TBX21: variants seen among roughly 807,000 people sequenced by gnomAD.
TBX21 encodes the protein T-box transcription factor TBX21.
In TBX21, 11 loss-of-function variants were observed where a neutral mutation model predicts 52.2. The observed-to-expected ratio is 0.21, with a 90% CI of 0.13 to 0.35. The LOEUF (loss-of-function observed/expected upper bound fraction) is 0.35. TBX21 is among the 10% of genes least tolerant of loss of function. The pLI, the probability that TBX21 is intolerant of heterozygous loss-of-function variation, is 1.00. For missense variants in TBX21, 625 were observed against 755.1 expected (o/e 0.83, Z 2.02); for synonymous variants, 300 against 316.1 (o/e 0.95, Z 0.54).
intron 1 of TBX21, among the ~76,000 whole-genome samples, chr17:47,740,194 G>T (rs1170682466): frequency 6.6e-6 from 1 of 151,894 alleles, no homozygotes; most frequent in Non-Finnish European, 1.5e-5. Flanking sequence ...AGCCTCCAAA[G>T]TAGCTGGGAC....
At position 47,744,761 on chromosome 17, in the gene TBX21, G is replaced by A; in HGVS notation, c.1003G>A (p.Val335Ile). Residue 335 changes from valine to isoleucine, a missense_variant, in exon 6 of 6, where the codon GTT becomes ATT. By Grantham distance (29) the Val-to-Ile change is conservative. Coordinates refer to ENST00000177694, the MANE Select transcript of TBX21 (RefSeq NM_013351.2). ...ATTTTTTTCTAGCATGTACACATCT[G>A]TTGACACCAGCATCCCCTCCCCGCC... ...RENFESMYTS[V>I]DTSIPSPPGP... 6.2e-7 allele frequency: 1 copy of A among 1,613,592 alleles called. No homozygotes were observed. Among genetic ancestry groups the A allele is most frequent in the African/African-American group, 1.3e-5 (1 of 75,028 alleles).
chr17:47,736,120 G>A (rs1667091585), intron 1 of TBX21, among the ~76,000 whole-genome samples: 1 of 152,192 alleles, frequency 6.6e-6, no homozygotes, highest in African/African-American at 2.4e-5. Context: ...TGGTGTTCCT[G>A]CTGAGTAATT....
chr17:47,745,360 C>T lies in TBX21; in HGVS notation c.1602C>T (p.Pro534=). 6.3e-7 allele frequency: 1 copy of T among 1,594,660 alleles called. No homozygotes were observed. The highest frequency in any genetic ancestry group is 2.2e-5 in the East Asian group (1 of 44,768). Residue 534 remains proline, a synonymous_variant, in exon 6 of 6, where the codon CCC becomes CCT. Coordinates refer to ENST00000177694, the MANE Select transcript of TBX21 (RefSeq NM_013351.2). The part of the protein sequence containing the change: ...EAEGQFYNYF[P]N Reference sequence around the variant, plus strand: ...AAGGACAGTTTTATAACTATTTTCCCAACTGAGCAGATGACATGATGAAAG... The same window carrying T: ...AAGGACAGTTTTATAACTATTTTCCTAACTGAGCAGATGACATGATGAAAG...
intron 3 of TBX21, 70 bp from the exon 4 acceptor site, chr17:47,744,125 G>C: frequency 6.4e-7 from 1 of 1,574,258 alleles, no homozygotes; most frequent in East Asian, 2.3e-5. Context: ...GGGGCCAGCT[G>C]TTGGTGGGGG....
Position 47,745,544 on chromosome 17 carries a change from GC to G in TBX21, c.*181del. On this transcript the variant is annotated 3_prime_UTR_variant, in exon 6 of 6. Transcript: ENST00000177694. ...TTTGGGGTTCACCAGATGCTTCCTGGCCCACGATGAAACCTGAGAGGGGTGT... is the reference window on the plus strand; with the variant it reads ...TTTGGGGTTCACCAGATGCTTCCTGGCCACGATGAAACCTGAGAGGGGTGT... 1 of 806,392 alleles carries G rather than the reference GC, an allele frequency of 1.2e-6. No homozygotes were observed. The highest frequency in any genetic ancestry group is 1.9e-6 in the Non-Finnish European group (1 of 536,796). 50.0% of individuals were successfully genotyped at this position (806,392 alleles called of 1,614,324 possible).
Position 47,742,072 on chromosome 17 carries a change from C to CTT in TBX21, c.492-525_492-524dup, listed in dbSNP as rs34123804. Among the ~76,000 whole-genome samples the CTT allele has an allele frequency of 4.2e-5, 6 of 143,600 alleles. No individual in the cohort carries two copies. The highest frequency in any genetic ancestry group is 9.2e-5 in the Non-Finnish European group (6 of 65,066). 94.2% of individuals were successfully genotyped at this position (143,600 alleles called of 152,430 possible). A position where few individuals can be genotyped will look rare whatever the true frequency, so the allele number is the denominator to read the frequency against. On this transcript the variant is annotated intron_variant, in intron 1 of 5. Coordinates refer to ENST00000177694, the MANE Select transcript of TBX21 (RefSeq NM_013351.2). This position sits in a 1 kb window ranked among gnomAD's most constrained non-coding sequence, Gnocchi z 4.4. ...AGTGATGATTTTTTAGTTTTTACTCCTTTTTTTTTTTTTTGAGATGGAGAC... is the reference window on the plus strand; with the variant it reads ...AGTGATGATTTTTTAGTTTTTACTCCTTTTTTTTTTTTTTTTGAGATGGAGAC...
At chr17:47,743,040 G>A (rs746924707) in intron 2 of TBX21, 31 bp from the exon 3 acceptor site, 11 of 1,612,742 alleles carry the variant, frequency 6.8e-6, no homozygotes, top group South Asian at 1.1e-5. Flanking sequence ...TGTCCCGGGG[G>A]CTGCATGTCA....
intron 1 of TBX21, among the ~76,000 whole-genome samples, chr17:47,738,399 T>G (rs912219141): frequency 6.6e-6 from 1 of 152,170 alleles, no homozygotes; most frequent in African/African-American, 2.4e-5. Context: ...TCTGGCTGTT[T>G]GCCAGTGGCT....
intron 1 of TBX21, among the ~76,000 whole-genome samples, chr17:47,737,368 T>C (rs1015547946): frequency 2.6e-5 from 4 of 152,186 alleles, no homozygotes; most frequent in African/African-American, 9.7e-5. Flanking sequence ...TGGTTGATTA[T>C]TATAATTAAG....
intron 1 of TBX21, among the ~76,000 whole-genome samples, chr17:47,738,074 G>A (rs2032226507): frequency 6.6e-6 from 1 of 151,908 alleles, no homozygotes; most frequent in South Asian, 2.1e-4. Flanking sequence ...ATGAGCCATT[G>A]TGCCCAGCTA....
chr17:47,734,479 G>A (rs1041624721), intron 1 of TBX21, among the ~76,000 whole-genome samples: 1 of 151,942 alleles, frequency 6.6e-6, no homozygotes, highest in African/African-American at 2.4e-5. Context: ...GTGTACGGGG[G>A]GAGATTGGGA....
At chr17:47,744,042 C>T (rs2032298626) in intron 3 of TBX21, among the ~76,000 whole-genome samples, 153 bp from the exon 4 acceptor site, 1 of 152,008 alleles carries the variant, frequency 6.6e-6, no homozygotes, top group African/African-American at 2.4e-5. Flanking sequence ...AGTTGGAAAG[C>T]TTGGGGGAAG....
In TBX21 at chr17:47,743,212, A is replaced by G; in HGVS notation, c.768+20A>G. 1 of 1,613,218 alleles carries G rather than the reference A, an allele frequency of 6.2e-7. No homozygotes were observed. The highest frequency in any genetic ancestry group is 8.5e-7 in the Non-Finnish European group (1 of 1,179,552). On this transcript the variant is annotated intron_variant, in intron 3 of 5. Transcript: ENST00000177694. ...ACCCAGGTAGGACCTGCTCTTCAAA[A>G]GGTAGCCTCGCCCTGCTCCCCACCC... is the stretch of plus-strand genomic sequence containing the variant.
In TBX21 at chr17:47,745,507, C is replaced by T; in HGVS notation, c.*141C>T. On this transcript the variant is annotated 3_prime_UTR_variant, in exon 6 of 6. Coordinates refer to ENST00000177694, the MANE Select transcript of TBX21 (RefSeq NM_013351.2). ...TTAGTAGTTGGTTGGGGAAGTGGGG[C>T]TCAAGAAGGATTTTGGGGTTCACCA... 8.0e-7 allele frequency: 1 copy of T among 1,246,882 alleles called. No individual in the cohort carries two copies. The highest frequency in any genetic ancestry group is 1.6e-5 in the South Asian group (1 of 62,818). The allele number at this position is 1,246,882 out of a possible 1,614,324, so 77.2% of individuals were successfully genotyped here. A position where few individuals can be genotyped will look rare whatever the true frequency, so the allele number is the denominator to read the frequency against.
chr17:47,734,924 C>T (rs1311114907), intron 1 of TBX21, among the ~76,000 whole-genome samples: 2 of 152,020 alleles, frequency 1.3e-5, no homozygotes, highest in African/African-American at 4.8e-5. Context: ...CGGATAGAGC[C>T]TCCTGCGCAA....
intron 1 of TBX21, among the ~76,000 whole-genome samples, chr17:47,735,730 G>T: frequency 6.6e-6 from 1 of 152,208 alleles, no homozygotes. Flanking sequence ...CGTTAGGTAG[G>T]CCAAGCAGTC....
rs533759043 is a variant in TBX21 at position 47,736,977 on chromosome 17, G to A, written c.491+3032G>A. ...CCCACCCACCCTGGATCTATCCCTC[G>A]GTATTGACCAGCGCCAGTGGCATGC... is the stretch of plus-strand genomic sequence containing the variant. On this transcript the variant is annotated intron_variant, in intron 1 of 5. Coordinates refer to ENST00000177694, the MANE Select transcript of TBX21 (RefSeq NM_013351.2). Among the ~76,000 whole-genome samples the A allele has an allele frequency of 9.2e-5, 14 of 151,914 alleles. No homozygotes were observed. The South Asian group carries it at 2.5e-3, about 27-fold the overall frequency.
chr17:47,733,482 G>C lies in TBX21; in HGVS notation c.28G>C (p.Asp10His). Residue 10 changes from aspartate (D) to histidine (H), a missense_variant, in exon 1 of 6, where the codon GAC becomes CAC. Physicochemically the swap from Asp to His is moderately conservative, Grantham distance 81 (BLOSUM62 -1). Transcript: ENST00000177694. This position sits in a 1 kb window ranked among gnomAD's most constrained non-coding sequence, Gnocchi z 6.6. Reference sequence around the variant, plus strand: ...GGGCATCGTGGAGCCGGGTTGCGGAGACATGCTGACGGGCACCGAGCCGAT... The same window carrying C: ...GGGCATCGTGGAGCCGGGTTGCGGACACATGCTGACGGGCACCGAGCCGAT... Reference protein sequence around the residue: MGIVEPGCGDMLTGTEPMPG... With the variant: MGIVEPGCGHMLTGTEPMPG... 6.7e-7 allele frequency: 1 copy of C among 1,493,224 alleles called. No individual in the cohort carries two copies. The allele number at this position is 1,493,224 out of a possible 1,614,324, so 92.5% of individuals were successfully genotyped here.
chr17:47,734,554 G>T (rs1344885565), intron 1 of TBX21, among the ~76,000 whole-genome samples: 15 of 102,990 alleles, frequency 1.5e-4, no homozygotes, highest in Non-Finnish European at 2.7e-4. Context: ...TCATATGTCT[G>T]GTGTGTGTGT....
Sources: allele counts gnomAD v4.1 joint callset (sites outside exome capture counted in the v4.1 genomes callset), GRCh38; gene constraint gnomAD v4.1.1; non-coding constraint Gnocchi (gnomAD v3.1); transcripts MANE v1.5; gene names NCBI Gene and HGNC (gene_info 2026-07-23, HGNC 2026-07-21).